Variants in ANKRD27 observed in about 807,000 individuals in gnomAD.
ANKRD27 encodes ankyrin repeat domain 27, also known as ankyrin repeat domain-containing protein 27.
ANKRD27 carries 112 observed loss-of-function variants against 129.7 expected under a neutral mutation model. The observed-to-expected ratio is 0.86, with a 90% CI of 0.74 to 1.01. The LOEUF is 1.01. ANKRD27 is among the 50% of genes least tolerant of loss of function. The probability of loss-of-function intolerance (pLI) is 0.00; values close to 1 mark genes in which losing one functional copy is unlikely to be tolerated. For missense variants in ANKRD27, 1,258 were observed against 1,300.5 expected, an observed-to-expected ratio of 0.97 and a Z score of 0.50; for synonymous variants, 516 against 511.2, an observed-to-expected ratio of 1.01 and a Z score of -0.13.
At chr19:32,640,739 C>T (rs2145298456) in intron 10 of ANKRD27, among the ~76,000 whole-genome samples, 1 of 152,128 alleles carries the variant, frequency 6.6e-6, no homozygotes, top group East Asian at 1.9e-4. Flanking sequence ...CCCACCTCTA[C>T]AAAAAAATAT....
intron 2 of ANKRD27, among the ~76,000 whole-genome samples, chr19:32,657,740 G>C (rs558531492): frequency 6.6e-6 from 1 of 152,194 alleles, no homozygotes; most frequent in East Asian, 1.9e-4. Flanking sequence ...TTGGGAGGCC[G>C]AGGTGGGCAG....
Position 32,618,784 on chromosome 19 carries a change from G to A in ANKRD27, c.2007+476C>T, listed in dbSNP as rs545279970. Among the ~76,000 whole-genome samples the A allele has an allele frequency of 2.2e-4, 33 of 152,188 alleles. No individual in the cohort carries two copies. The East Asian group carries it at 5.6e-3, about 26-fold the overall frequency. ...GATCTGGCCGGGCATGGTGGCTCAC[G>A]CCTGTAATCCCAGTTACTTGGGAGG... is the stretch of plus-strand genomic sequence containing the variant. On this transcript the variant is annotated intron_variant, in intron 20 of 28. Transcript: ENST00000306065.
intron 25 of ANKRD27, among the ~76,000 whole-genome samples, chr19:32,604,012 GC>G (rs1971692079): frequency 6.6e-6 from 1 of 151,988 alleles, no homozygotes; most frequent in African/African-American, 2.4e-5. Context: ...TGAGGGGGGG[GC>G]CCCTCCACTC....
intron 26 of ANKRD27, among the ~76,000 whole-genome samples, chr19:32,601,076 A>C (rs187538224): frequency 6.6e-6 from 1 of 152,094 alleles, no homozygotes; most frequent in Non-Finnish European, 1.5e-5. Flanking sequence ...AGGAGGGCGG[A>C]TCACTTGAGG....
chr19:32,635,794 T>C (rs938961490), intron 12 of ANKRD27, among the ~76,000 whole-genome samples: 3 of 152,152 alleles, frequency 2.0e-5, no homozygotes, highest in Non-Finnish European at 4.4e-5. Flanking sequence ...CTTCAACAAG[T>C]ACCTGAATAC....
intron 18 of ANKRD27, among the ~76,000 whole-genome samples, chr19:32,621,100 T>C (rs1972004168): frequency 1.3e-5 from 2 of 152,080 alleles, no homozygotes. Flanking sequence ...AAATTCAAAC[T>C]GTGCTACTCC....
rs773343460 is a variant in ANKRD27, at chr19:32,599,744, T to C, written c.2879A>G (p.Asp960Gly). 1 of 1,613,792 alleles carries C rather than the reference T, an allele frequency of 6.2e-7. No homozygotes were observed. Among genetic ancestry groups the C allele is most frequent in the South Asian group, 1.1e-5 (1 of 90,980 alleles). The change falls in exon 28 of 29, where the codon GAT becomes GGT. Residue 960 changes from aspartate to glycine, a missense_variant. By Grantham distance (94) the Asp-to-Gly change is moderately conservative. Coordinates refer to ENST00000306065, the MANE Select transcript of ANKRD27 (RefSeq NM_032139.3). The stretch of plus-strand genomic sequence containing the variant: ...TTCGGTTAAATTAGGGACACTTCTA[T>C]CTCTTGCCATAATCTCCCTTGAAGT... ...GKTSREIMAR[D>G]RSVPNLTEGS...
intron 17 of ANKRD27, among the ~76,000 whole-genome samples, chr19:32,623,571 A>G (rs1972046206): frequency 6.9e-6 from 1 of 145,888 alleles, no homozygotes; most frequent in South Asian, 2.2e-4. Flanking sequence ...TTTTTTTGAG[A>G]CACAGTCTCG....
chr19:32,630,326 G>A (rs536500956), intron 13 of ANKRD27, among the ~76,000 whole-genome samples: 112 of 152,224 alleles, frequency 7.4e-4, no homozygotes, highest in African/African-American at 2.6e-3. Flanking sequence ...CAGCACTCAC[G>A]GACTGCCCTG....
intron 17 of ANKRD27, among the ~76,000 whole-genome samples, chr19:32,624,689 C>T (rs896896827): frequency 2.6e-5 from 4 of 152,154 alleles, no homozygotes; most frequent in African/African-American, 9.7e-5. Context: ...GCCTGTATTC[C>T]CAGAACTTTG....
chr19:32,668,510 T>C (rs1206084284), intron 1 of ANKRD27, among the ~76,000 whole-genome samples: 1 of 149,650 alleles, frequency 6.7e-6, no homozygotes, highest in Non-Finnish European at 1.5e-5. Context: ...TCTTGCTCTA[T>C]CACTCACACT....
intron 1 of ANKRD27, among the ~76,000 whole-genome samples, chr19:32,663,357 C>T (rs1599775564): frequency 6.6e-6 from 1 of 152,202 alleles, no homozygotes; most frequent in African/African-American, 2.4e-5. Flanking sequence ...TTTGAAGTCA[C>T]TACATTTTGG....
Position 32,643,318 on chromosome 19 carries a change from A to G in ANKRD27, c.674T>C (p.Phe225Ser). The change falls in exon 8 of 29, where the codon TTT becomes TCT. Residue 225 changes from phenylalanine to serine, a missense_variant. Transcript: ENST00000306065. ...YVHHEIYNLI[F>S]KYVGTMEASE... is the part of the protein sequence containing the mutation. ...TGCCTCCATGGTCCCCACGTATTTAAAGATCAGGTTGTAAATTTCATGATG... is the reference window on the plus strand; with the variant it reads ...TGCCTCCATGGTCCCCACGTATTTAGAGATCAGGTTGTAAATTTCATGATG... 6.2e-7 allele frequency: 1 copy of G among 1,613,952 alleles called. No individual in the cohort carries two copies. The highest frequency in any genetic ancestry group is 8.5e-7 in the Non-Finnish European group (1 of 1,180,014).
Position 32,619,262 on chromosome 19 carries a change from C to G in ANKRD27, c.2005G>C (p.Glu669Gln), listed in dbSNP as rs763178493. The G allele has an allele frequency of 1.3e-5, 21 of 1,612,332 alleles. No homozygotes were observed. Among genetic ancestry groups the G allele is most frequent in the Admixed American group, 1.7e-5 (1 of 59,962 alleles). ...AGCCCTTCCTCTGGAAGCCTCACCT[C>G]TCTGTAGTCCTTCTTGGTCTCCTCC... ...RQEETKKDYREVEKLLRAVAD... is the reference protein window; with the variant it reads ...RQEETKKDYRQVEKLLRAVAD... Residue 669 changes from glutamate to glutamine, a missense_variant and splice_region_variant, in exon 20 of 29, where the codon GAG (glutamate) becomes CAG (glutamine). Coordinates refer to ENST00000306065, the MANE Select transcript of ANKRD27 (RefSeq NM_032139.3).
In ANKRD27 at chr19:32,644,403, G is replaced by T. The variant is rs1205730916; in HGVS notation, c.447C>A (p.Ser149=). 6 of 1,613,970 alleles carry T rather than the reference G, an allele frequency of 3.7e-6. No homozygotes were observed. Among genetic ancestry groups the T allele is most frequent in the Admixed American group, 1.7e-5 (1 of 59,972 alleles). The change falls in exon 5 of 29, where the codon TCC becomes TCA. Residue 149 remains serine, a synonymous_variant. Transcript: ENST00000306065. Reference sequence around the variant, plus strand: ...AGGCGATGTTCCTGTCAAATCGCTCGGAGTGTCTTCCCAAGAACTCTCTCA... The same window carrying T: ...AGGCGATGTTCCTGTCAAATCGCTCTGAGTGTCTTCCCAAGAACTCTCTCA... ...EDVREFLGRH[S]ERFDRNIASF... is the part of the protein sequence containing the mutation.
At chr19:32,658,066 C>T (rs757263503) in intron 2 of ANKRD27, among the ~76,000 whole-genome samples, 1 of 152,174 alleles carries the variant, frequency 6.6e-6, no homozygotes, top group Non-Finnish European at 1.5e-5. Context: ...CTCAGCTAAC[C>T]TGACTTCTCC....
Position 32,598,248 on chromosome 19 carries a change from CGTCTGTGTCCAGGGCCA to C in ANKRD27, c.3033_3049del (p.Gly1012AspfsTer29), listed in dbSNP as rs1971599250. The C allele has an allele frequency of 2.5e-6, 4 of 1,614,182 alleles. No homozygotes were observed. Among genetic ancestry groups the C allele is most frequent in the Non-Finnish European group, 3.4e-6 (4 of 1,180,030 alleles). ...CTCTACCGTGTGTCTCCGCAGCATC[CGTCTGTGTCCAGGGCCA>C]GTCTGTGTCAGTCCAGGCCTCTCTG... On this transcript the variant is annotated frameshift_variant, in exon 29 of 29. Coordinates refer to ENST00000306065, the MANE Select transcript of ANKRD27 (RefSeq NM_032139.3). LOFTEE classifies it low-confidence loss of function (END_TRUNC).
At chr19:32,640,106 T>C (rs943445875) in intron 11 of ANKRD27, among the ~76,000 whole-genome samples, 1 of 152,114 alleles carries the variant, frequency 6.6e-6, no homozygotes, top group African/African-American at 2.4e-5. Flanking sequence ...GGACTACAGG[T>C]GCCCACCACC....
At chr19:32,660,850 G>A (rs1026355154) in intron 1 of ANKRD27, among the ~76,000 whole-genome samples, 8 of 151,200 alleles carry the variant, frequency 5.3e-5, no homozygotes, top group South Asian at 4.1e-4. Context: ...TCACTTTCCC[G>A]CTGGGTTGTT....
Sources: gnomAD v4.1 joint callset for allele counts (sites outside exome capture counted in the v4.1 genomes callset) on GRCh38, gnomAD v4.1.1 for gene constraint, MANE v1.5 for transcripts, NCBI Gene and HGNC (gene_info 2026-07-23, HGNC 2026-07-21) for gene names.